SLC22A5: variants seen among roughly 807,000 people sequenced by gnomAD.
The protein encoded by SLC22A5 is organic cation/carnitine transporter 2.
SLC22A5 carries 44 observed loss-of-function variants against 56.7 expected under a neutral mutation model. The ratio of observed to expected loss-of-function variants is 0.78; its 90% confidence interval spans 0.61 to 1.00. The LOEUF is 1.00. SLC22A5 is among the 50% of genes least tolerant of loss of function. SLC22A5 has a pLI of 0.00. For synonymous variants in SLC22A5, 278 were observed against 292.1 expected, an observed-to-expected ratio of 0.95 and a Z score of 0.49; for missense variants, 675 against 723.0, an observed-to-expected ratio of 0.93 and a Z score of 0.76.
chr5:132,384,666 G>T (rs1218388087), intron 3 of SLC22A5, among the ~76,000 whole-genome samples: 1 of 152,232 alleles, frequency 6.6e-6, no homozygotes, highest in African/African-American at 2.4e-5. Flanking sequence ...AGGGCGGCAT[G>T]GTTGGAGGAG....
Position 132,394,233 on chromosome 5 carries a change from T to C in SLC22A5, c.1635T>C (p.Gly545=). The part of the protein sequence containing the change: ...TPSHTRMLKD[G]QERPTILKST... Reference sequence around the variant, plus strand: ...GTCACACAAGGATGTTAAAAGATGGTCAAGAAAGGCCCACAATCCTTAAAA... The same window carrying C: ...GTCACACAAGGATGTTAAAAGATGGCCAAGAAAGGCCCACAATCCTTAAAA... Residue 545 remains glycine, a synonymous_variant, in exon 10 of 10, where the codon GGT becomes GGC. Coordinates refer to ENST00000245407, the MANE Select transcript of SLC22A5 (RefSeq NM_003060.4). The C allele has an allele frequency of 6.2e-7, 1 of 1,613,828 alleles. No individual in the cohort carries two copies. The highest frequency in any genetic ancestry group is 1.1e-5 in the South Asian group (1 of 91,084).
At position 132,394,256 on chromosome 5, in the gene SLC22A5, A is replaced by G; in HGVS notation, c.1658A>G (p.Lys553Arg). 6.2e-7 allele frequency: 1 copy of G among 1,611,310 alleles called. No homozygotes were observed. Among genetic ancestry groups the G allele is most frequent in the Non-Finnish European group, 8.5e-7 (1 of 1,177,334 alleles). Residue 553 changes from lysine to arginine, a missense_variant, in exon 10 of 10, where the codon AAA (lysine) becomes AGA (arginine). Coordinates refer to ENST00000245407, the MANE Select transcript of SLC22A5 (RefSeq NM_003060.4). Reference protein sequence around the residue: ...KDGQERPTILKSTAF With the variant: ...KDGQERPTILRSTAF The stretch of plus-strand genomic sequence containing the variant: ...GGTCAAGAAAGGCCCACAATCCTTA[A>G]AAGCACAGCCTTCTAACATCGCTTC...
Position 132,378,384 on chromosome 5 carries a change from C to G in SLC22A5, c.400C>G (p.Leu134Val). The G allele has an allele frequency of 6.2e-7, 1 of 1,614,062 alleles. No homozygotes were observed. Among genetic ancestry groups the G allele is most frequent in the Non-Finnish European group, 8.5e-7 (1 of 1,179,892 alleles). The change falls in exon 2 of 10, where the codon CTG becomes GTG. Residue 134 changes from leucine (L) to valine (V), a missense_variant. Physicochemically the swap from Leu to Val is conservative, Grantham distance 32. Coordinates refer to ENST00000245407, the MANE Select transcript of SLC22A5 (RefSeq NM_003060.4). ...CCCTTTGCTCATCTTGCAGTGGAAC[C>G]TGGTGTGTGAGGACGACTGGAAGGC... is the stretch of plus-strand genomic sequence containing the variant. ...YLSTIVTEWN[L>V]VCEDDWKAPL...
At chr5:132,375,304 G>A (rs1205370245) in intron 1 of SLC22A5, among the ~76,000 whole-genome samples, 2 of 152,164 alleles carry the variant, frequency 1.3e-5, no homozygotes, top group African/African-American at 2.4e-5. Context: ...CTCTGACAAC[G>A]GTGGGGCAAG....
rs763694282 is a variant in SLC22A5 at position 132,392,418 on chromosome 5, C to A, written c.1268-15C>A. ...GTTGGTACCTACTCCTACCCTCTTT[C>A]CTTTGCTTCTCCAGACTTGTATTAT... On this transcript the variant is annotated splice_polypyrimidine_tract_variant and intron_variant, in intron 7 of 9. Coordinates refer to ENST00000245407, the MANE Select transcript of SLC22A5 (RefSeq NM_003060.4). 6 of 1,613,690 alleles carry A rather than the reference C, an allele frequency of 3.7e-6. No homozygotes were observed. The highest frequency in any genetic ancestry group is 1.7e-4 in the Middle Eastern group (1 of 6,060).
intron 1 of SLC22A5, among the ~76,000 whole-genome samples, chr5:132,375,289 C>T (rs1356774049): frequency 6.6e-6 from 1 of 152,194 alleles, no homozygotes; most frequent in Non-Finnish European, 1.5e-5. Flanking sequence ...TACCTTTTCT[C>T]TTTGCTCTGA....
chr5:132,375,045 C>A (rs1203390629), intron 1 of SLC22A5, among the ~76,000 whole-genome samples: 1 of 152,128 alleles, frequency 6.6e-6, no homozygotes, highest in East Asian at 1.9e-4. Context: ...CAGAGCAAGA[C>A]TCTGTTTCAA....
rs771808266 is a variant in SLC22A5 at position 132,378,446 on chromosome 5, G to A, written c.462G>A (p.Leu154=). The A allele has an allele frequency of 1.1e-5, 18 of 1,614,100 alleles. No homozygotes were observed. The Admixed American group carries it at 2.2e-4, about 19-fold the overall frequency. The part of the protein sequence containing the change: ...LTISLFFVGV[L]LGSFISGQLS... The stretch of plus-strand genomic sequence containing the variant: ...TCTCCTTGTTCTTCGTGGGTGTGCT[G>A]TTGGGCTCCTTCATTTCAGGGCAGC... The change falls in exon 2 of 10, where the codon CTG becomes CTA. Residue 154 remains leucine (L), a synonymous_variant. Transcript: ENST00000245407.
chr5:132,371,768 GCGGA>G (rs1226401016), intron 1 of SLC22A5, among the ~76,000 whole-genome samples: 1 of 152,068 alleles, frequency 6.6e-6, no homozygotes, highest in Non-Finnish European at 1.5e-5. Flanking sequence ...CAGCAGGACG[GCGGA>G]GTTCACAGAG....
chr5:132,393,859 G>T, intron 9 of SLC22A5, 48 bp downstream of exon 9: 1 of 1,611,044 alleles, frequency 6.2e-7, no homozygotes, highest in South Asian at 1.1e-5. Flanking sequence ...TCTGGGTCTG[G>T]CCAGGTCTCA....
intron 7 of SLC22A5, 52 bp downstream of exon 7, chr5:132,390,956 T>A: frequency 7.2e-7 from 1 of 1,392,370 alleles, no homozygotes; most frequent in South Asian, 1.2e-5. Context: ...TCTCTTACTG[T>A]CTACCAGGCT....
intron 3 of SLC22A5, 150 bp from the exon 4 acceptor site, chr5:132,385,178 G>A (rs1752478433): frequency 1.8e-5 from 13 of 734,254 alleles, no homozygotes; most frequent in Admixed American, 1.4e-4. Flanking sequence ...AGACAGGAGG[G>A]GTTCAGAACG....
intron 4 of SLC22A5, 66 bp from the exon 5 acceptor site, chr5:132,386,959 T>C: frequency 1.9e-6 from 3 of 1,566,896 alleles, no homozygotes; most frequent in Non-Finnish European, 2.6e-6. Flanking sequence ...ATGGCTGTGC[T>C]CTACCTGGTC....
intron 8 of SLC22A5, 89 bp downstream of exon 8, chr5:132,392,704 G>A: frequency 1.7e-6 from 2 of 1,164,230 alleles, no homozygotes; most frequent in East Asian, 2.4e-5. Flanking sequence ...GTGTTAACAG[G>A]AAAACAAGTT....
At chr5:132,392,697 T>C in intron 8 of SLC22A5, 82 bp downstream of exon 8, 1 of 1,262,154 alleles carries the variant, frequency 7.9e-7, no homozygotes, top group Non-Finnish European at 1.2e-6. Flanking sequence ...AGGTTGCGTG[T>C]TAACAGGAAA....
intron 2 of SLC22A5, chr5:132,383,482 G>A (rs1050786017): frequency 6.4e-6 from 1 of 155,074 alleles, no homozygotes; most frequent in Non-Finnish European, 1.4e-5. Flanking sequence ...AAAATTGGCA[G>A]TTGGATCCAG....
rs386134205 is a variant in SLC22A5 at position 132,385,349 on chromosome 5, C to T, written c.674C>T (p.Ser225Leu). Residue 225 changes from serine to leucine, a missense_variant, in exon 4 of 10, where the codon TCA becomes TTA. Ser to Leu is a moderately radical substitution (Grantham distance 145). Transcript: ENST00000245407. ...FVLGTEILGKSVRIIFSTLGV... is the reference protein window; with the variant it reads ...FVLGTEILGKLVRIIFSTLGV... ...ACAGGGACAGAAATTCTTGGCAAGTCAGTTCGTATAATATTCTCTACGTTA... is the reference window on the plus strand; with the variant it reads ...ACAGGGACAGAAATTCTTGGCAAGTTAGTTCGTATAATATTCTCTACGTTA... 3.1e-6 allele frequency: 5 copies of T among 1,613,982 alleles called. No individual in the cohort carries two copies. Among genetic ancestry groups the T allele is most frequent in the Non-Finnish European group, 4.2e-6 (5 of 1,180,004 alleles).
chr5:132,389,632 G>A (rs2126788694), intron 6 of SLC22A5: 1 of 160,690 alleles, frequency 6.2e-6, no homozygotes, highest in East Asian at 1.8e-4. Flanking sequence ...GGGATTCTAG[G>A]CGACTTCTGG....
intron 7 of SLC22A5, 99 bp from the exon 8 acceptor site, chr5:132,392,333 TC>T: frequency 9.4e-7 from 1 of 1,069,406 alleles, no homozygotes; most frequent in African/African-American, 1.5e-5. Context: ...AGAAACTGAC[TC>T]CCCAAAAAAT....
Sources: gnomAD v4.1 joint callset for allele counts (sites outside exome capture counted in the v4.1 genomes callset) on GRCh38, gnomAD v4.1.1 for gene constraint, MANE v1.5 for transcripts, NCBI Gene and HGNC (gene_info 2026-07-23, HGNC 2026-07-21) for gene names.